DENR: variants seen among roughly 807,000 people sequenced by gnomAD.
The protein encoded by DENR is density regulated re-initiation and release factor.
In DENR, 6 loss-of-function variants were observed where a neutral mutation model predicts 30.6. That is an observed-to-expected ratio of 0.20 (90% CI 0.11 to 0.39). The LOEUF (loss-of-function observed/expected upper bound fraction) is 0.39. DENR is among the 10% of genes least tolerant of loss of function. The pLI is 1.00. For missense variants in DENR, 141 were observed against 230.9 expected (o/e 0.61, Z 2.52); for synonymous variants, 78 against 72.1 (o/e 1.08, Z -0.41).
Position 122,765,298 on chromosome 12 carries a change from AT to A in DENR, c.212-5del, listed in dbSNP as rs1566060548. On this transcript the variant is annotated splice_polypyrimidine_tract_variant and splice_region_variant and intron_variant, in intron 4 of 7. Coordinates refer to ENST00000280557, the MANE Select transcript of DENR (RefSeq NM_003677.5). The stretch of plus-strand genomic sequence containing the variant: ...TCATGCTTTTGTATTTCACTTTTAT[AT>A]CTAGAAAATTCACCCAAACAAGAAG... The A allele has an allele frequency of 6.5e-7, 1 of 1,549,722 alleles. No homozygotes were observed. Among genetic ancestry groups the A allele is most frequent in the Admixed American group, 2.0e-5 (1 of 50,702 alleles).
At chr12:122,760,360 C>T (rs1327954805) in intron 2 of DENR, among the ~76,000 whole-genome samples, 2 of 152,220 alleles carry the variant, frequency 1.3e-5, no homozygotes, top group African/African-American at 4.8e-5. Flanking sequence ...GCTGTGACTA[C>T]ATGGTATACC....
At chr12:122,767,711 G>GTC (rs1377787847) in intron 6 of DENR, 107 bp downstream of exon 6, 2 of 543,290 alleles carry the variant, frequency 3.7e-6, no homozygotes, top group Non-Finnish European at 2.9e-6. Flanking sequence ...AACTTCACAG[G>GTC]TCTGTTTTTT....
At chr12:122,764,157 T>A (rs554987718) in intron 4 of DENR, among the ~76,000 whole-genome samples, 1 of 152,186 alleles carries the variant, frequency 6.6e-6, no homozygotes, top group Non-Finnish European at 1.5e-5. Flanking sequence ...GAGTTTGATA[T>A]GAAGTCAGAG....
Position 122,762,217 on chromosome 12 carries a change from T to TA in DENR, c.126+13dup. 1 of 1,412,776 alleles carries TA rather than the reference T, an allele frequency of 7.1e-7. No homozygotes were observed. Among genetic ancestry groups the TA allele is most frequent in the Non-Finnish European group, 9.6e-7 (1 of 1,039,780 alleles). The allele number at this position is 1,412,776 out of a possible 1,614,324, so 87.5% of individuals were successfully genotyped here. A position where few individuals can be genotyped will look rare whatever the true frequency, so the allele number is the denominator to read the frequency against. On this transcript the variant is annotated intron_variant, in intron 3 of 7. Transcript: ENST00000280557. ...TCATTACCAACAGAGGTAAGTTCTT[T>TA]AATTTTTTTTTTTACCTTATGTATT...
At chr12:122,764,277 A>T (rs546006632) in intron 4 of DENR, among the ~76,000 whole-genome samples, 12 of 152,150 alleles carry the variant, frequency 7.9e-5, no homozygotes, top group African/African-American at 2.9e-4. Context: ...GACTTGTTTC[A>T]GCAGCATCAC....
chr12:122,769,949 A>G lies in DENR; in HGVS notation c.*871A>G, dbSNP rs996995118. 3.9e-5 allele frequency: 6 copies of G among 152,600 alleles called. No homozygotes were observed. Among genetic ancestry groups the G allele is most frequent in the Admixed American group, 1.3e-4 (2 of 15,274 alleles). The allele number at this position is 152,600 out of a possible 1,614,324, so 9.5% of individuals were successfully genotyped here. Reference sequence around the variant, plus strand: ...TGAATTTGGCTTCCTCACCAGTAATATGTCTCCTTGCTTCTTTGATGTGAT... The same window carrying G: ...TGAATTTGGCTTCCTCACCAGTAATGTGTCTCCTTGCTTCTTTGATGTGAT... On this transcript the variant is annotated 3_prime_UTR_variant, in exon 8 of 8. Coordinates refer to ENST00000280557, the MANE Select transcript of DENR (RefSeq NM_003677.5).
chr12:122,767,453 A>G (rs1878878795), intron 5 of DENR, 35 bp from the exon 6 acceptor site: 6 of 1,344,420 alleles, frequency 4.5e-6, no homozygotes, highest in Non-Finnish European at 6.0e-6. Flanking sequence ...TATGTCAAAA[A>G]CAACTAAAGC....
intron 2 of DENR, among the ~76,000 whole-genome samples, chr12:122,757,161 C>T (rs918559409): frequency 2.6e-5 from 4 of 152,118 alleles, no homozygotes; most frequent in African/African-American, 4.8e-5. Flanking sequence ...TCTTATCATT[C>T]CTTCCCCCTC....
intron 2 of DENR, among the ~76,000 whole-genome samples, chr12:122,756,735 G>T (rs1486182734): frequency 6.6e-6 from 1 of 152,162 alleles, no homozygotes; most frequent in African/African-American, 2.4e-5. Flanking sequence ...GGGGCAGCCG[G>T]AAATTATGGC....
At position 122,752,878 on chromosome 12, in the gene DENR, A is replaced by G. The variant is rs979271678; in HGVS notation, c.-82A>G. The G allele has an allele frequency of 6.6e-6, 1 of 152,474 alleles. No individual in the cohort carries two copies. The highest frequency in any genetic ancestry group is 2.4e-5 in the African/African-American group (1 of 41,444). 9.4% of individuals were successfully genotyped at this position (152,474 alleles called of 1,614,324 possible). On this transcript the variant is annotated 5_prime_UTR_variant, in exon 1 of 8. Coordinates refer to ENST00000280557, the MANE Select transcript of DENR (RefSeq NM_003677.5). Reference sequence around the variant, plus strand: ...CGCTCGGGCGGCCCTGGCCGGGGAGACGAGTTGCATGTGTTGGTTCAGCTG... The same window carrying G: ...CGCTCGGGCGGCCCTGGCCGGGGAGGCGAGTTGCATGTGTTGGTTCAGCTG...
intron 2 of DENR, among the ~76,000 whole-genome samples, chr12:122,756,017 A>G (rs1339809595): frequency 6.6e-6 from 1 of 152,206 alleles, no homozygotes; most frequent in Non-Finnish European, 1.5e-5. Flanking sequence ...ACAATTTACA[A>G]AGACTATAAA....
At position 122,770,632 on chromosome 12, in the gene DENR, C is replaced by T. The variant is rs1879011325; in HGVS notation, c.*1554C>T. 2.5e-6 allele frequency: 1 copy of T among 398,470 alleles called. No homozygotes were observed. The highest frequency in any genetic ancestry group is 3.6e-5 in the East Asian group (1 of 28,042). The allele number at this position is 398,470 out of a possible 1,614,324, so 24.7% of individuals were successfully genotyped here. A position where few individuals can be genotyped will look rare whatever the true frequency, so the allele number is the denominator to read the frequency against. ...TATTTGATGAATTTAAACTTTAAGT[C>T]AGGTGCTGCAAATTGGAAAGAAGAC... is the stretch of plus-strand genomic sequence containing the variant. On this transcript the variant is annotated 3_prime_UTR_variant, in exon 8 of 8. Coordinates refer to ENST00000280557, the MANE Select transcript of DENR (RefSeq NM_003677.5).
intron 2 of DENR, among the ~76,000 whole-genome samples, chr12:122,760,352 T>G (rs889147123): frequency 6.6e-6 from 1 of 152,244 alleles, no homozygotes; most frequent in African/African-American, 2.4e-5. Flanking sequence ...TAGTAATTGC[T>G]GTGACTACAT....
chr12:122,760,868 A>T (rs987386879), intron 2 of DENR, among the ~76,000 whole-genome samples: 1 of 152,176 alleles, frequency 6.6e-6, no homozygotes, highest in Non-Finnish European at 1.5e-5. Flanking sequence ...TTGAACCAAG[A>T]TTCCTTCTAG....
At chr12:122,767,147 C>CT (rs2135512742) in intron 5 of DENR, among the ~76,000 whole-genome samples, 1 of 152,308 alleles carries the variant, frequency 6.6e-6, no homozygotes, top group African/African-American at 2.4e-5. Context: ...TGGAAGCAGA[C>CT]TAAGTTGTTT....
intron 2 of DENR, among the ~76,000 whole-genome samples, chr12:122,761,866 T>A (rs1409100229): frequency 4.6e-5 from 7 of 152,208 alleles, no homozygotes; most frequent in Non-Finnish European, 2.9e-5. Context: ...TGGGAAATTG[T>A]TCGTGTCTTA....
chr12:122,769,515 T>TCTCTC lies in DENR; in HGVS notation c.*437_*438insCTCTC, dbSNP rs1491256290. ...GACTTTCTCTCTCTCTCTCTCTCTC[T>TCTCTC]TTTTTTTTTTTGACAGAGTCTCGCA... On this transcript the variant is annotated 3_prime_UTR_variant, in exon 8 of 8. Transcript: ENST00000280557. 1.5e-5 allele frequency: 6 copies of TCTCTC among 407,226 alleles called. No individual in the cohort carries two copies. The African/African-American group carries it at 1.5e-4, about 10-fold the overall frequency. The allele number at this position is 407,226 out of a possible 1,614,324, so 25.2% of individuals were successfully genotyped here.
chr12:122,756,051 T>C (rs1878541616), intron 2 of DENR, among the ~76,000 whole-genome samples: 1 of 152,226 alleles, frequency 6.6e-6, no homozygotes, highest in African/African-American at 2.4e-5. Context: ...GTATCTCTGA[T>C]GTATAAGGTC....
At chr12:122,765,855 T>C (rs1419666522) in intron 5 of DENR, among the ~76,000 whole-genome samples, 3 of 152,164 alleles carry the variant, frequency 2.0e-5, no homozygotes, top group African/African-American at 7.2e-5. Flanking sequence ...AGGACATTTA[T>C]ATAAAAAATT....
Sources: gnomAD v4.1 joint callset for allele counts (sites outside exome capture counted in the v4.1 genomes callset) on GRCh38, gnomAD v4.1.1 for gene constraint, MANE v1.5 for transcripts, NCBI Gene and HGNC (gene_info 2026-07-23, HGNC 2026-07-21) for gene names.